TMCC3: variants seen among roughly 807,000 people sequenced by gnomAD.
The protein encoded by TMCC3 is transmembrane and coiled-coil domain protein 3.
Under a neutral mutation model 40.2 loss-of-function variants are expected in TMCC3, and 28 were observed. The ratio of observed to expected loss-of-function variants is 0.70; its 90% CI spans 0.52 to 0.95. The LOEUF (loss-of-function observed/expected upper bound fraction) is 0.95, where lower values mean the gene tolerates loss of function less well. TMCC3 is among the 40% of genes least tolerant of loss of function. The pLI, the probability that TMCC3 is intolerant of heterozygous loss-of-function variation, is 0.00. For synonymous variants in TMCC3, 255 were observed against 248.5 expected (o/e 1.03, Z -0.25); for missense variants, 554 against 615.2 (o/e 0.90, Z 1.05).
Position 94,601,987 on chromosome 12 carries a change from T to C in TMCC3, c.79-19449A>G, listed in dbSNP as rs538265544. ...GTGATGTTCCTTCTGCTTTTCCATA[T>C]AAGAATATAAAGTGATAGTTGTTAC... On this transcript the variant is annotated intron_variant, in intron 1 of 3. Coordinates refer to ENST00000261226, the MANE Select transcript of TMCC3 (RefSeq NM_020698.4). Among the ~76,000 whole-genome samples the C allele has an allele frequency of 1.1e-4, 17 of 152,282 alleles. No individual in the cohort carries two copies. The South Asian group carries it at 2.5e-3, about 22-fold the overall frequency.
Position 94,582,123 on chromosome 12 carries a change from C to A in TMCC3, c.494G>T (p.Arg165Leu). The change falls in exon 2 of 4, where the codon CGC becomes CTC. Residue 165 changes from arginine to leucine, a missense_variant. Coordinates refer to ENST00000261226, the MANE Select transcript of TMCC3 (RefSeq NM_020698.4). ...ISKDHLKDIHRSLKDAHVKSR... is the reference protein window; with the variant it reads ...ISKDHLKDIHLSLKDAHVKSR... ...TTTCACGTGGGCATCTTTCAAAGAGCGATGTATATCCTTCAGGTGGTCTTT... is the reference window on the plus strand; with the variant it reads ...TTTCACGTGGGCATCTTTCAAAGAGAGATGTATATCCTTCAGGTGGTCTTT... 6.2e-7 allele frequency: 1 copy of A among 1,614,112 alleles called. No homozygotes were observed. Among genetic ancestry groups the A allele is most frequent in the Non-Finnish European group, 8.5e-7 (1 of 1,180,042 alleles).
In TMCC3 at chr12:94,582,242, G is replaced by A; in HGVS notation, c.375C>T (p.Ser125=). The A allele has an allele frequency of 6.2e-7, 1 of 1,614,140 alleles. No homozygotes were observed. The highest frequency in any genetic ancestry group is 8.5e-7 in the Non-Finnish European group (1 of 1,180,040). Residue 125 remains serine (S), a synonymous_variant, in exon 2 of 4, where the codon TCC becomes TCT. Transcript: ENST00000261226. The part of the protein sequence containing the change: ...FEKKNQKSAH[S]IAQLQKKLEQ... Reference sequence around the variant, plus strand: ...CTAACTTCTTCTGCAGCTGGGCGATGGAGTGAGCTGATTTCTGATTCTTCT... The same window carrying A: ...CTAACTTCTTCTGCAGCTGGGCGATAGAGTGAGCTGATTTCTGATTCTTCT...
chr12:94,650,123 G>T (rs1309729986), intron 1 of TMCC3, among the ~76,000 whole-genome samples: 1 of 152,118 alleles, frequency 6.6e-6, no homozygotes, highest in Non-Finnish European at 1.5e-5. Context: ...CGGGGACCTG[G>T]GCGCCGTGAG....
At chr12:94,642,239 T>C (rs527322179) in intron 1 of TMCC3, among the ~76,000 whole-genome samples, 53 of 152,362 alleles carry the variant, frequency 3.5e-4, no homozygotes, top group African/African-American at 1.2e-3. Flanking sequence ...AATCAGTCTG[T>C]ATTAATTACA....
intron 1 of TMCC3, among the ~76,000 whole-genome samples, chr12:94,649,875 C>A (rs2069044012): frequency 1.3e-5 from 2 of 152,208 alleles, no homozygotes; most frequent in African/African-American, 4.8e-5. Context: ...CCCCGCGCTC[C>A]GGCTGCGCAC....
At chr12:94,596,646 G>A (rs2138844298) in intron 1 of TMCC3, among the ~76,000 whole-genome samples, 1 of 152,256 alleles carries the variant, frequency 6.6e-6, no homozygotes, top group East Asian at 1.9e-4. Flanking sequence ...TGCCTCCTTG[G>A]AGAGAAGGAT....
At chr12:94,600,405 C>T (rs2068745988) in intron 1 of TMCC3, among the ~76,000 whole-genome samples, 1 of 152,030 alleles carries the variant, frequency 6.6e-6, no homozygotes. Context: ...CTATTCCTTC[C>T]ATCTAGTCTA....
rs117822929 is a variant in TMCC3 at position 94,598,328 on chromosome 12, C to A, written c.79-15790G>T. 6.3e-4 allele frequency among the ~76,000 whole-genome samples: 96 copies of A among 152,038 alleles called. 1 individual carries two copies. The East Asian group carries it at 0.017, about 27-fold the overall frequency. ...ATACATATACCTGTTTCCTTTAACCCCTAAAGCCCCTCAAATCTACTTAGT... is the reference window on the plus strand; with the variant it reads ...ATACATATACCTGTTTCCTTTAACCACTAAAGCCCCTCAAATCTACTTAGT... On this transcript the variant is annotated intron_variant, in intron 1 of 3. Coordinates refer to ENST00000261226, the MANE Select transcript of TMCC3 (RefSeq NM_020698.4).
intron 1 of TMCC3, among the ~76,000 whole-genome samples, chr12:94,630,950 A>G (rs2068930283): frequency 6.6e-6 from 1 of 152,132 alleles, no homozygotes; most frequent in Non-Finnish European, 1.5e-5. Flanking sequence ...GCTGGTCTCA[A>G]ACTCCTGACC....
At chr12:94,645,404 G>C (rs1190141554) in intron 1 of TMCC3, among the ~76,000 whole-genome samples, 1 of 152,102 alleles carries the variant, frequency 6.6e-6, no homozygotes, top group Non-Finnish European at 1.5e-5. Context: ...CTTGGAACTA[G>C]AAGTGTTTCA....
Position 94,645,705 on chromosome 12 carries a change from T to C in TMCC3, c.78+4648A>G, listed in dbSNP as rs147072014. Among the ~76,000 whole-genome samples the C allele has an allele frequency of 1.6e-3, 239 of 152,248 alleles. 3 individuals carry two copies. The highest frequency in any genetic ancestry group is 5.5e-3 in the African/African-American group (230 of 41,534). The stretch of plus-strand genomic sequence containing the variant: ...TCTACCCACCTGGCTTCCCAAAGTG[T>C]TAGAATTACAGGCATGAGCCACCAT... On this transcript the variant is annotated intron_variant, in intron 1 of 3. Transcript: ENST00000261226.
intron 1 of TMCC3, among the ~76,000 whole-genome samples, chr12:94,645,368 A>G (rs530191170): frequency 6.6e-6 from 1 of 152,326 alleles, no homozygotes; most frequent in South Asian, 2.1e-4. Context: ...CCTCTTTCAT[A>G]TAGTACAGGT....
intron 3 of TMCC3, among the ~76,000 whole-genome samples, chr12:94,578,146 C>CAAAAA (rs1183420863): frequency 2.0e-3 from 68 of 34,320 alleles, no homozygotes; most frequent in African/African-American, 4.0e-3. Context: ...AGACTCACCT[C>CAAAAA]AAAAAAAAAA....
chr12:94,642,878 C>A (rs1362324041), intron 1 of TMCC3, among the ~76,000 whole-genome samples: 2 of 152,140 alleles, frequency 1.3e-5, no homozygotes, highest in Non-Finnish European at 2.9e-5. Context: ...ACTTTGGTAC[C>A]ATGCGGCAGG....
In TMCC3 at chr12:94,581,663, T is replaced by C. The variant is rs148465801; in HGVS notation, c.954A>G (p.Glu318=). 3.1e-4 allele frequency: 499 copies of C among 1,604,634 alleles called. 1 individual carries two copies. In the African/African-American group the frequency reaches 5.7e-3, roughly 18 times the overall value. The change falls in exon 2 of 4, where the codon GAA becomes GAG. Residue 318 remains glutamate (E), a synonymous_variant. Transcript: ENST00000261226. ...GCAGGGTCTGAGAAATAAAACCATA[T>C]TCTCTCTTAAACTGCACCTTCAGTG... The part of the protein sequence containing the change: ...IEALKVQFKR[E]YGFISQTLQE...
At chr12:94,618,404 T>C (rs2068858299) in intron 1 of TMCC3, among the ~76,000 whole-genome samples, 1 of 152,238 alleles carries the variant, frequency 6.6e-6, no homozygotes, top group African/African-American at 2.4e-5. Context: ...CTACCTCACA[T>C]TCTGTGTCTC....
Position 94,571,493 on chromosome 12 carries a change from AAT to A in TMCC3, c.1374_1375del (p.Phe459LeufsTer2), listed in dbSNP as rs1409624845. ...CAGGATATGGTCCCAGTTTTTACAA[AAT>A]ATAGCAAGAAGAGTCACGGCAAAGA... is the stretch of plus-strand genomic sequence containing the variant. On this transcript the variant is annotated frameshift_variant, in exon 4 of 4. Transcript: ENST00000261226. LOFTEE classifies it high-confidence loss of function. The A allele has an allele frequency of 6.2e-7, 1 of 1,613,968 alleles. No individual in the cohort carries two copies. Among genetic ancestry groups the A allele is most frequent in the East Asian group, 2.2e-5 (1 of 44,900 alleles).
chr12:94,603,504 C>T (rs1168097688), intron 1 of TMCC3, among the ~76,000 whole-genome samples: 2 of 152,194 alleles, frequency 1.3e-5, no homozygotes, highest in African/African-American at 4.8e-5. Flanking sequence ...GTTCAACACA[C>T]AACCCAGACA....
rs1483607524 is a variant in TMCC3, at chr12:94,624,936, T to A, written c.78+25417A>T. 4.0e-5 allele frequency among the ~76,000 whole-genome samples: 6 copies of A among 150,886 alleles called. No homozygotes were observed. In the South Asian group the frequency reaches 1.3e-3, roughly 32 times the overall value. On this transcript the variant is annotated intron_variant, in intron 1 of 3. Coordinates refer to ENST00000261226, the MANE Select transcript of TMCC3 (RefSeq NM_020698.4). Reference sequence around the variant, plus strand: ...CGGGTGGATCACTTGAGGTCAGGAGTTCGAGACCAGCCTGGTCAACATGGT... The same window carrying A: ...CGGGTGGATCACTTGAGGTCAGGAGATCGAGACCAGCCTGGTCAACATGGT...
Sources: gnomAD v4.1 joint callset for allele counts (sites outside exome capture counted in the v4.1 genomes callset) on GRCh38, gnomAD v4.1.1 for gene constraint, MANE v1.5 for transcripts, NCBI Gene and HGNC (gene_info 2026-07-23, HGNC 2026-07-21) for gene names.